The following PTPRG variants were observed in gnomAD, a reference collection of about 807,000 sequenced individuals.
PTPRG encodes protein tyrosine phosphatase receptor type G, also known as receptor-type tyrosine-protein phosphatase gamma.
Under a neutral mutation model 165.3 loss-of-function variants are expected in PTPRG, and 102 were observed. That is an observed-to-expected ratio of 0.62 (90% CI 0.53 to 0.73). The LOEUF is 0.73. PTPRG is among the 30% of genes least tolerant of loss of function. The pLI is 0.00. For missense variants in PTPRG, 1,866 were observed against 1,861.4 expected, an observed-to-expected ratio of 1.00 and a Z score of -0.05; for synonymous variants, 675 against 669.5, an observed-to-expected ratio of 1.01 and a Z score of -0.13.
chr3:62,005,073 T>C (rs2041263869), intron 4 of PTPRG, among the ~76,000 whole-genome samples: 1 of 152,202 alleles, frequency 6.6e-6, no homozygotes, highest in South Asian at 2.1e-4. Context: ...TGTATATTTG[T>C]TTCTTATCCA....
intron 1 of PTPRG, among the ~76,000 whole-genome samples, chr3:61,607,575 A>C (rs1331107220): frequency 6.6e-6 from 1 of 152,042 alleles, no homozygotes; most frequent in Non-Finnish European, 1.5e-5. Context: ...TGGTTTTGGT[A>C]GTGGTAGAGG....
chr3:61,953,139 C>T (rs907583160), intron 2 of PTPRG, among the ~76,000 whole-genome samples: 14 of 152,276 alleles, frequency 9.2e-5, no homozygotes, highest in Non-Finnish European at 1.3e-4. Context: ...TACTCAGAAA[C>T]GCTTTCCCTC....
intron 2 of PTPRG, among the ~76,000 whole-genome samples, chr3:61,829,434 C>T (rs2036208179): frequency 6.6e-6 from 1 of 152,232 alleles, no homozygotes. Context: ...GGCTGGGGGC[C>T]ATTTATCATG....
At chr3:61,812,855 T>A (rs757666859) in intron 2 of PTPRG, among the ~76,000 whole-genome samples, 5 of 152,220 alleles carry the variant, frequency 3.3e-5, no homozygotes, top group Non-Finnish European at 7.3e-5. Flanking sequence ...TCTTGCTGGT[T>A]TGATGAATAT....
chr3:61,963,648 A>G (rs1200038277), intron 2 of PTPRG, among the ~76,000 whole-genome samples: 1 of 152,204 alleles, frequency 6.6e-6, no homozygotes, highest in Non-Finnish European at 1.5e-5. Flanking sequence ...AGTATAAATG[A>G]CGAAATTGTT....
At chr3:62,077,348 C>A (rs944668850) in intron 4 of PTPRG, among the ~76,000 whole-genome samples, 1 of 151,574 alleles carries the variant, frequency 6.6e-6, no homozygotes, top group African/African-American at 2.4e-5. Flanking sequence ...GATGAAAGCA[C>A]ATGGATTTTG....
At chr3:62,244,155 GCAATTTGTGCTTATATTTTTAAATCA>G (rs1701234106) in intron 15 of PTPRG, among the ~76,000 whole-genome samples, 1 of 152,182 alleles carries the variant, frequency 6.6e-6, no homozygotes, top group Non-Finnish European at 1.5e-5. Context: ...ATTTGCATAG[GCAATTTGTGCTTATATTTTTAAATCA>G]CAATTTGTGA....
intron 2 of PTPRG, among the ~76,000 whole-genome samples, chr3:61,892,267 C>G (rs2107501846): frequency 6.6e-6 from 1 of 152,284 alleles, no homozygotes; most frequent in African/African-American, 2.4e-5. Flanking sequence ...TGCTTTGTTG[C>G]CCAGGCTGGA....
rs766099984 is a variant in PTPRG, at chr3:62,273,714, T to C, written c.3335T>C (p.Ile1112Thr). The change falls in exon 23 of 30, where the codon ATC becomes ACC. Residue 1112 changes from isoleucine (I) to threonine (T), a missense_variant. By Grantham distance (89) the Ile-to-Thr change is moderately conservative. Coordinates refer to ENST00000474889, the MANE Select transcript of PTPRG (RefSeq NM_002841.4). This position sits in a 1 kb window ranked among gnomAD's most constrained non-coding sequence, Gnocchi z 4.1. ...ACCTCTTAGGAGCAGTACATTTTCA[T>C]CCATGATGCCTTGTTGGAAGCCATT... Reference protein sequence around the residue: ...LVQTEEQYIFIHDALLEAILG... With the variant: ...LVQTEEQYIFTHDALLEAILG... 73 of 1,613,740 alleles carry C rather than the reference T, an allele frequency of 4.5e-5. No homozygotes were observed. In the East Asian group the frequency reaches 1.6e-3, roughly 35 times the overall value.
Position 61,614,478 on chromosome 3 carries a change from C to T in PTPRG, c.85+52106C>T, listed in dbSNP as rs189581332. 5.5e-3 allele frequency among the ~76,000 whole-genome samples: 710 copies of T among 130,004 alleles called. 8 individuals are homozygous for T. The highest frequency in any genetic ancestry group is 0.031 in the South Asian group (122 of 3,892). 85.3% of individuals were successfully genotyped at this position (130,004 alleles called of 152,430 possible). ...AGGCTGGAGTGCAGTGGCGTGATCTCGGCTCACTGCAACCTCTGCTTCTGG... is the reference window on the plus strand; with the variant it reads ...AGGCTGGAGTGCAGTGGCGTGATCTTGGCTCACTGCAACCTCTGCTTCTGG... On this transcript the variant is annotated intron_variant, in intron 1 of 29. Transcript: ENST00000474889.
chr3:61,677,244 C>CAAAA (rs11426161), intron 1 of PTPRG, among the ~76,000 whole-genome samples: 4,615 of 71,392 alleles, frequency 0.065, 227 homozygotes, highest in African/African-American at 0.15. Flanking sequence ...GACTCCGTCT[C>CAAAA]AAAAAAAAAA....
At chr3:61,750,416 T>C (rs925886881) in intron 2 of PTPRG, 2 of 152,226 alleles carry the variant, frequency 1.3e-5, no homozygotes, top group Non-Finnish European at 2.9e-5. Flanking sequence ...CTTAAACTTT[T>C]CCCATTATGT....
chr3:61,685,482 T>G (rs920232090), intron 1 of PTPRG, among the ~76,000 whole-genome samples: 1 of 152,184 alleles, frequency 6.6e-6, no homozygotes, highest in Non-Finnish European at 1.5e-5. Context: ...AGAAGCAGGA[T>G]TGGACAGGGA....
chr3:61,888,677 G>A (rs2038124156), intron 2 of PTPRG, among the ~76,000 whole-genome samples: 4 of 152,178 alleles, frequency 2.6e-5, no homozygotes, highest in African/African-American at 9.7e-5. Flanking sequence ...TATCTGAATT[G>A]AGGAGTTCAG....
At chr3:62,006,794 C>T (rs1023130510) in intron 4 of PTPRG, among the ~76,000 whole-genome samples, 1 of 152,140 alleles carries the variant, frequency 6.6e-6, no homozygotes, top group African/African-American at 2.4e-5. Flanking sequence ...GCCAGGGATA[C>T]TGCTATACAT....
At chr3:62,047,941 TG>T (rs1418411935) in intron 4 of PTPRG, among the ~76,000 whole-genome samples, 1 of 152,076 alleles carries the variant, frequency 6.6e-6, no homozygotes, top group Non-Finnish European at 1.5e-5. Flanking sequence ...GTTAAAACAG[TG>T]GGATGCATAG....
chr3:61,836,842 T>C (rs2036479895), intron 2 of PTPRG, among the ~76,000 whole-genome samples: 1 of 152,088 alleles, frequency 6.6e-6, no homozygotes, highest in South Asian at 2.1e-4. Flanking sequence ...CCTCCCGGGT[T>C]CAAGCAGTTC....
chr3:62,226,415 T>C (rs1700765367), intron 13 of PTPRG, among the ~76,000 whole-genome samples: 1 of 152,232 alleles, frequency 6.6e-6, no homozygotes, highest in Non-Finnish European at 1.5e-5. Context: ...AGAAACCAAT[T>C]ATATTTTCAG....
intron 2 of PTPRG, among the ~76,000 whole-genome samples, chr3:61,905,820 C>G (rs990525081): frequency 2.0e-5 from 3 of 152,200 alleles, no homozygotes; most frequent in Admixed American, 6.5e-5. Flanking sequence ...CTTCTTCACC[C>G]TTTGTCTGTG....
Sources: allele counts gnomAD v4.1 joint callset (sites outside exome capture counted in the v4.1 genomes callset), GRCh38; gene constraint gnomAD v4.1.1; non-coding constraint Gnocchi (gnomAD v3.1); transcripts MANE v1.5; gene names NCBI Gene and HGNC (gene_info 2026-07-23, HGNC 2026-07-21).